Variants in RERE observed in about 807,000 individuals in gnomAD.
RERE encodes the protein arginine-glutamic acid dipeptide repeats.
A neutral mutation model predicts 146.1 loss-of-function variants in RERE; 40 were observed. The ratio of observed to expected loss-of-function variants is 0.27; its 90% CI spans 0.21 to 0.36. RERE has a LOEUF of 0.36. Among genes scored for constraint, RERE ranks in the 10% least tolerant of loss-of-function variants. RERE has a pLI of 1.00. For synonymous variants in RERE, 1,003 were observed against 866.0 expected, an observed-to-expected ratio of 1.16 and a Z score of -2.78; for missense variants, 1,933 against 2,138.7, an observed-to-expected ratio of 0.90 and a Z score of 1.90.
At chr1:8,501,235 C>T (rs1570349381) in intron 8 of RERE, among the ~76,000 whole-genome samples, 2 of 117,156 alleles carry the variant, frequency 1.7e-5, no homozygotes, top group East Asian at 2.4e-4. Flanking sequence ...CCCGGCCGGC[C>T]GCCCCGTCCG....
In RERE at chr1:8,574,139, A is replaced by G. The variant is rs576847290; in HGVS notation, c.523-16616T>C. ...GTATTTCCATTAATAATTCACTGCAAAATATTTTCTAATTTCCACTGTGAT... is the reference window on the plus strand; with the variant it reads ...GTATTTCCATTAATAATTCACTGCAGAATATTTTCTAATTTCCACTGTGAT... On this transcript the variant is annotated intron_variant, in intron 4 of 22. Coordinates refer to ENST00000400908, the MANE Select transcript of RERE (RefSeq NM_001042681.2). 6.7e-4 allele frequency among the ~76,000 whole-genome samples: 102 copies of G among 152,128 alleles called. 1 individual carries two copies. Among genetic ancestry groups the G allele is most frequent in the African/African-American group, 6.0e-4 (25 of 41,490 alleles).
chr1:8,750,334 C>T, intron 1 of RERE: 1 of 595,970 alleles, frequency 1.7e-6, no homozygotes, highest in Non-Finnish European at 3.0e-6. Flanking sequence ...TGGTAAAGTG[C>T]TACATGTAGA....
intron 12 of RERE, among the ~76,000 whole-genome samples, chr1:8,419,561 G>C (rs1314749714): frequency 6.6e-6 from 1 of 152,120 alleles, no homozygotes; most frequent in Non-Finnish European, 1.5e-5. Flanking sequence ...TACAGGCTCA[G>C]TATATTTACA....
Position 8,591,517 on chromosome 1 carries a change from T to C in RERE, c.522+23044A>G, listed in dbSNP as rs114409493. On this transcript the variant is annotated intron_variant, in intron 4 of 22. Transcript: ENST00000400908. The stretch of plus-strand genomic sequence containing the variant: ...CCTATTTTCAATGCAAAATGCAAAC[T>C]GTCTATATAGCCACCTAATGAACCC... Among the ~76,000 whole-genome samples the C allele has an allele frequency of 2.0e-3, 303 of 152,114 alleles. 1 individual carries two copies. Among genetic ancestry groups the C allele is most frequent in the African/African-American group, 7.1e-3 (294 of 41,468 alleles).
intron 10 of RERE, among the ~76,000 whole-genome samples, chr1:8,472,357 A>G (rs891172398): frequency 3.3e-5 from 5 of 152,204 alleles, no homozygotes; most frequent in African/African-American, 9.7e-5. Context: ...TCACGACCAC[A>G]CAGCTACGTC....
chr1:8,535,267 T>C lies in RERE; in HGVS notation c.830+5947A>G, dbSNP rs143516026. Among the ~76,000 whole-genome samples the C allele has an allele frequency of 5.8e-3, 889 of 152,330 alleles. 11 individuals carry two copies. The highest frequency in any genetic ancestry group is 0.02 in the African/African-American group (851 of 41,576). ...AAAACTGTTCCAGATTTAGGGAGAC[T>C]AAACAAATATGACAACTAAATCCAT... On this transcript the variant is annotated intron_variant, in intron 7 of 22. Coordinates refer to ENST00000400908, the MANE Select transcript of RERE (RefSeq NM_001042681.2).
intron 1 of RERE, among the ~76,000 whole-genome samples, chr1:8,763,451 A>T (rs1640790743): frequency 6.6e-6 from 1 of 151,934 alleles, no homozygotes; most frequent in African/African-American, 2.4e-5. Flanking sequence ...TGACCAACAT[A>T]ATGAAACCCC....
At chr1:8,781,574 C>T (rs983598895) in intron 1 of RERE, among the ~76,000 whole-genome samples, 2 of 151,572 alleles carry the variant, frequency 1.3e-5, no homozygotes, top group African/African-American at 4.9e-5. Flanking sequence ...TCTGCCACTT[C>T]CTAGCTGAGT....
At chr1:8,814,983 CACA>C (rs1557559439) in intron 1 of RERE, among the ~76,000 whole-genome samples, 2 of 152,204 alleles carry the variant, frequency 1.3e-5, no homozygotes, top group East Asian at 1.9e-4. Flanking sequence ...TGCAGAAAGG[CACA>C]ACAACTGCGC....
chr1:8,742,948 C>G (rs1640340560), intron 1 of RERE, among the ~76,000 whole-genome samples: 1 of 150,910 alleles, frequency 6.6e-6, no homozygotes, highest in African/African-American at 2.4e-5. Context: ...TTCTCACAGT[C>G]TAAAGGGGGG....
At position 8,358,304 on chromosome 1, in the gene RERE, T is replaced by C. The variant is rs138638498; in HGVS notation, c.4231A>G (p.Ser1411Gly). 6.2e-7 allele frequency: 1 copy of C among 1,613,600 alleles called. No individual in the cohort carries two copies. Among genetic ancestry groups the C allele is most frequent in the Non-Finnish European group, 8.5e-7 (1 of 1,179,718 alleles). ...ATCTGCAGTCGGGCCAGGGGATCGC[T>C]GGTCAGCGATGCCATGCGCTCTGCG... ...IHAERMASLT[S>G]DPLARLQMFN... The change falls in exon 20 of 23, where the codon AGC becomes GGC. Residue 1411 changes from serine (S) to glycine (G), a missense_variant. Ser to Gly is a moderately conservative substitution (Grantham distance 56). This residue lies in a region of RERE where 47 missense variants were observed against 58.6 expected (regional missense o/e 0.80). Coordinates refer to ENST00000400908, the MANE Select transcript of RERE (RefSeq NM_001042681.2).
At chr1:8,753,152 C>A (rs148051007) in intron 1 of RERE, among the ~76,000 whole-genome samples, 36 of 152,220 alleles carry the variant, frequency 2.4e-4, no homozygotes, top group African/African-American at 8.7e-4. Context: ...CTGGGAGTTT[C>A]CTTCGGATGT....
chr1:8,459,648 C>T (rs1387695500), intron 11 of RERE, among the ~76,000 whole-genome samples: 5 of 152,132 alleles, frequency 3.3e-5, no homozygotes, highest in East Asian at 1.9e-4. Flanking sequence ...AAACCACGTA[C>T]GTACATAAAC....
At chr1:8,707,804 T>C (rs912622038) in intron 1 of RERE, among the ~76,000 whole-genome samples, 1 of 152,204 alleles carries the variant, frequency 6.6e-6, no homozygotes, top group Non-Finnish European at 1.5e-5. Context: ...AGGATTTGAT[T>C]TGTAACACAG....
intron 3 of RERE, among the ~76,000 whole-genome samples, chr1:8,615,490 G>C (rs1646842391): frequency 6.6e-6 from 1 of 152,146 alleles, no homozygotes; most frequent in Admixed American, 6.5e-5. Context: ...ATAACAGTTT[G>C]AGTATGTTCC....
At chr1:8,620,047 A>G (rs1646899450) in intron 3 of RERE, among the ~76,000 whole-genome samples, 1 of 152,188 alleles carries the variant, frequency 6.6e-6, no homozygotes. Context: ...AAACATTTCT[A>G]TTTGCACTCT....
intron 4 of RERE, among the ~76,000 whole-genome samples, chr1:8,566,476 C>T (rs1163829369): frequency 1.3e-5 from 2 of 151,652 alleles, no homozygotes; most frequent in Non-Finnish European, 2.9e-5. Flanking sequence ...AAAAATTAGC[C>T]GGGTGTGGTG....
intron 1 of RERE, among the ~76,000 whole-genome samples, chr1:8,756,251 A>G (rs917819566): frequency 2.0e-5 from 3 of 152,384 alleles, no homozygotes; most frequent in Middle Eastern, 3.4e-3. Context: ...AAACAATTAG[A>G]TCATGGCTAA....
chr1:8,447,660 C>T (rs1644338952), intron 11 of RERE, among the ~76,000 whole-genome samples: 1 of 152,210 alleles, frequency 6.6e-6, no homozygotes, highest in Non-Finnish European at 1.5e-5. Context: ...GCCTGAGGAA[C>T]CCCACTTTTA....
Sources: gnomAD v4.1 joint callset for allele counts (sites outside exome capture counted in the v4.1 genomes callset) on GRCh38, gnomAD v4.1.1 for gene constraint, gnomAD v4.1.1 regional missense constraint, MANE v1.5 for transcripts, NCBI Gene and HGNC (gene_info 2026-07-23, HGNC 2026-07-21) for gene names.